Variants in CNTN5 observed in about 807,000 individuals in gnomAD.
CNTN5 encodes contactin-5.
A neutral mutation model predicts 129.1 loss-of-function variants in CNTN5; 77 were observed. The observed-to-expected ratio is 0.60, with a 90% CI of 0.50 to 0.72. The LOEUF is 0.72. CNTN5 is among the 30% of genes least tolerant of loss of function. CNTN5 has a pLI of 0.00. For synonymous variants in CNTN5, 509 were observed against 465.6 expected (o/e 1.09, Z -1.20); for missense variants, 1,478 against 1,328.8 (o/e 1.11, Z -1.75).
chr11:99,961,094 A>G (rs1950929783), intron 8 of CNTN5, among the ~76,000 whole-genome samples: 1 of 149,298 alleles, frequency 6.7e-6, no homozygotes, highest in Non-Finnish European at 1.5e-5. Context: ...AGTCCCCACT[A>G]CCCGGGAGGC....
intron 2 of CNTN5, among the ~76,000 whole-genome samples, chr11:99,501,272 G>A (rs911805939): frequency 6.6e-6 from 1 of 152,158 alleles, no homozygotes; most frequent in African/African-American, 2.4e-5. Context: ...CTCAGCAATT[G>A]GCTTTATAGT....
intron 15 of CNTN5, among the ~76,000 whole-genome samples, chr11:100,221,190 C>A (rs936750042): frequency 6.6e-6 from 1 of 152,136 alleles, no homozygotes; most frequent in Non-Finnish European, 1.5e-5. Flanking sequence ...AAAGAAAGAG[C>A]ACCTGCAACA....
At chr11:99,751,679 C>G (rs938647682) in intron 3 of CNTN5, among the ~76,000 whole-genome samples, 1 of 152,068 alleles carries the variant, frequency 6.6e-6, no homozygotes, top group Non-Finnish European at 1.5e-5. Flanking sequence ...TATAGGCTGC[C>G]TTTTAATTAC....
chr11:99,705,152 A>G (rs1954700422), intron 3 of CNTN5, among the ~76,000 whole-genome samples: 1 of 151,374 alleles, frequency 6.6e-6, no homozygotes, highest in African/African-American at 2.4e-5. Flanking sequence ...TGTTGAACAC[A>G]TACATATTCT....
intron 1 of CNTN5, among the ~76,000 whole-genome samples, chr11:99,046,619 G>A (rs767308713): frequency 3.9e-5 from 6 of 152,186 alleles, no homozygotes; most frequent in South Asian, 2.1e-4. Context: ...AATTTAAGCC[G>A]AGAAAGGTAT....
intron 1 of CNTN5, among the ~76,000 whole-genome samples, chr11:99,301,342 C>G (rs1000007464): frequency 1.3e-5 from 2 of 151,218 alleles, no homozygotes. Context: ...CCAAGATTTA[C>G]AAGAGAGATA....
At chr11:99,708,678 C>G (rs139122279) in intron 3 of CNTN5, among the ~76,000 whole-genome samples, 115 of 151,804 alleles carry the variant, frequency 7.6e-4, no homozygotes, top group Middle Eastern at 3.4e-3. Flanking sequence ...ACTTTCTTTT[C>G]TCACTGTGGG....
chr11:99,962,138 G>T (rs1950963459), intron 8 of CNTN5, among the ~76,000 whole-genome samples: 2 of 152,028 alleles, frequency 1.3e-5, no homozygotes, highest in African/African-American at 4.8e-5. Context: ...ACGTAGATTA[G>T]AATGGAATTA....
In CNTN5 at chr11:99,114,646, A is replaced by C. The variant is rs74986428; in HGVS notation, c.-210+93376A>C. Reference sequence around the variant, plus strand: ...ATATCCATTAATTATCTTCTTTTTTAAAAAGTAAAATAGGCTTGCATATAG... The same window carrying C: ...ATATCCATTAATTATCTTCTTTTTTCAAAAGTAAAATAGGCTTGCATATAG... On this transcript the variant is annotated intron_variant, in intron 1 of 24. Transcript: ENST00000524871. Among the ~76,000 whole-genome samples the C allele has an allele frequency of 5.5e-3, 837 of 152,260 alleles. 9 individuals are homozygous for C. Among genetic ancestry groups the C allele is most frequent in the African/African-American group, 0.019 (810 of 41,554 alleles).
At chr11:99,841,940 G>A (rs1947519390) in intron 4 of CNTN5, among the ~76,000 whole-genome samples, 1 of 150,814 alleles carries the variant, frequency 6.6e-6, no homozygotes, top group Non-Finnish European at 1.5e-5. Context: ...AGACAGGAGT[G>A]CAGTGGAGCG....
At chr11:100,244,442 G>GA (rs1427661124) in intron 16 of CNTN5, among the ~76,000 whole-genome samples, 1 of 152,120 alleles carries the variant, frequency 6.6e-6, no homozygotes, top group African/African-American at 2.4e-5. Context: ...GGCAAGGCCT[G>GA]AATGAAAACC....
rs1453339909 is a variant in CNTN5 at position 99,407,194 on chromosome 11, A to C, written c.-71+81710A>C. 2.6e-5 allele frequency among the ~76,000 whole-genome samples: 4 copies of C among 151,208 alleles called. No individual in the cohort carries two copies. The East Asian group carries it at 8.0e-4, about 30-fold the overall frequency. On this transcript the variant is annotated intron_variant, in intron 2 of 24. Coordinates refer to ENST00000524871, the MANE Select transcript of CNTN5 (RefSeq NM_014361.4). ...TGAAACCGGCAAATCTCAGAGTCTC[A>C]TGAAAAGCCCTAAACATAGTTATCT... is the stretch of plus-strand genomic sequence containing the variant.
chr11:99,909,264 C>T (rs1002420595), intron 6 of CNTN5, among the ~76,000 whole-genome samples: 1 of 152,020 alleles, frequency 6.6e-6, no homozygotes, highest in Non-Finnish European at 1.5e-5. Context: ...CAATGAGATA[C>T]CATCTCACAC....
intron 2 of CNTN5, among the ~76,000 whole-genome samples, chr11:99,544,234 T>C (rs1948212469): frequency 6.6e-6 from 1 of 152,106 alleles, no homozygotes; most frequent in Non-Finnish European, 1.5e-5. Flanking sequence ...AAGACGGGGC[T>C]GAACTGTTCA....
intron 3 of CNTN5, among the ~76,000 whole-genome samples, chr11:99,637,566 A>T (rs2135826738): frequency 6.6e-6 from 1 of 152,232 alleles, no homozygotes; most frequent in South Asian, 2.1e-4. Context: ...ACTGAAAAAT[A>T]ATTTTAAAAA....
At chr11:100,331,660 T>G (rs1951909234) in intron 21 of CNTN5, among the ~76,000 whole-genome samples, 1 of 152,092 alleles carries the variant, frequency 6.6e-6, no homozygotes, top group Admixed American at 6.6e-5. Context: ...GGAATAAAAT[T>G]GGAGATGAGT....
chr11:99,051,888 T>C (rs1025126863), intron 1 of CNTN5, among the ~76,000 whole-genome samples: 3 of 151,826 alleles, frequency 2.0e-5, no homozygotes, highest in African/African-American at 4.8e-5. Context: ...CCCACAATAA[T>C]AGGGAAACAA....
At chr11:100,246,859 T>C (rs542348283) in intron 16 of CNTN5, among the ~76,000 whole-genome samples, 4 of 152,192 alleles carry the variant, frequency 2.6e-5, no homozygotes, top group African/African-American at 4.8e-5. Context: ...CAATGACTTA[T>C]TATAAATCTA....
At chr11:99,542,570 G>A (rs772660011) in intron 2 of CNTN5, among the ~76,000 whole-genome samples, 1 of 152,122 alleles carries the variant, frequency 6.6e-6, no homozygotes, top group Non-Finnish European at 1.5e-5. Flanking sequence ...TTAACACAAT[G>A]TTTACTAGTC....
Sources: gnomAD v4.1 joint callset for allele counts (sites outside exome capture counted in the v4.1 genomes callset) on GRCh38, gnomAD v4.1.1 for gene constraint, MANE v1.5 for transcripts, NCBI Gene and HGNC (gene_info 2026-07-23, HGNC 2026-07-21) for gene names.